RAB40B: variants seen among roughly 807,000 people sequenced by gnomAD.
RAB40B encodes RAB40B, member RAS oncogene family.
RAB40B carries 21 observed loss-of-function variants against 24.0 expected under a neutral mutation model. That is an observed-to-expected ratio of 0.88 (90% CI 0.62 to 1.26). RAB40B has a LOEUF of 1.26. Among genes scored for constraint, RAB40B ranks in the 50% most tolerant of loss-of-function variants. The probability of loss-of-function intolerance (pLI) is 0.00; values close to 1 mark genes in which losing one functional copy is unlikely to be tolerated. For synonymous variants in RAB40B, 167 were observed against 169.8 expected (o/e 0.98, Z 0.13); for missense variants, 348 against 390.5 (o/e 0.89, Z 0.92).
chr17:82,659,897 C>T, intron 3 of RAB40B: 1 of 513,934 alleles, frequency 1.9e-6, no homozygotes, highest in Non-Finnish European at 3.5e-6. Flanking sequence ...CCACGAGCCA[C>T]TCCAGGAACA....
intron 3 of RAB40B, among the ~76,000 whole-genome samples, chr17:82,660,390 C>T (rs1199562714): frequency 2.0e-5 from 3 of 150,984 alleles, no homozygotes; most frequent in East Asian, 2.0e-4. Flanking sequence ...CACAGATGCA[C>T]GCATACACAG....
chr17:82,658,961 G>T, intron 4 of RAB40B: 1 of 498,916 alleles, frequency 2.0e-6, no homozygotes, highest in Non-Finnish European at 3.6e-6. Context: ...ACTCGGAGGA[G>T]GCCATGTTAC....
chr17:82,695,920 A>T (rs956071400), intron 1 of RAB40B, among the ~76,000 whole-genome samples: 7 of 152,014 alleles, frequency 4.6e-5, no homozygotes, highest in Non-Finnish European at 8.8e-5. Context: ...CTTGTTGCCC[A>T]GGCTGGAGTA....
At position 82,658,085 on chromosome 17, in the gene RAB40B, C is replaced by G; in HGVS notation, c.615G>C (p.Pro205=). Residue 205 remains proline (P), a synonymous_variant, in exon 6 of 6, where the codon CCG becomes CCC. Coordinates refer to ENST00000571995, the MANE Select transcript of RAB40B (RefSeq NM_006822.3). ...GCGGGAGCTTGTCCACCAGGTGCAC[C>G]GGCGTGCAGGACACGACCGCCCGGC... The part of the protein sequence containing the change: ...LCCRAVVSCT[P]VHLVDKLPLP... 2 of 1,614,152 alleles carry G rather than the reference C, an allele frequency of 1.2e-6. No homozygotes were observed. Among genetic ancestry groups the G allele is most frequent in the South Asian group, 1.1e-5 (1 of 91,076 alleles).
At chr17:82,671,274 C>T (rs867686885) in intron 1 of RAB40B, among the ~76,000 whole-genome samples, 4 of 150,894 alleles carry the variant, frequency 2.7e-5, no homozygotes, top group African/African-American at 4.9e-5. Flanking sequence ...CACACAGTCA[C>T]ACATCCTGTA....
intron 1 of RAB40B, among the ~76,000 whole-genome samples, chr17:82,698,214 C>T (rs2046631776): frequency 6.6e-6 from 1 of 151,872 alleles, no homozygotes; most frequent in Non-Finnish European, 1.5e-5. Flanking sequence ...GCAACAGGGA[C>T]GCCGCAGCAC....
In RAB40B at chr17:82,664,518, G is replaced by A. The variant is rs1182983698; in HGVS notation, c.181C>T (p.Arg61Trp). ...CACCAGAGCTGCAGCTTCACCCGCC[G>A]CCCGTCCAGCAGGATGGTGGTCGTC... ...YKTTTILLDGRRVKLQLWDTS... is the reference protein window; with the variant it reads ...YKTTTILLDGWRVKLQLWDTS... The change falls in exon 2 of 6, where the codon CGG becomes TGG. Residue 61 changes from arginine (R) to tryptophan (W), a missense_variant. This residue lies in a region of RAB40B where 126 missense variants were observed against 181.0 expected (regional missense o/e 0.70). Transcript: ENST00000571995. The A allele has an allele frequency of 7.4e-6, 12 of 1,613,510 alleles. No individual in the cohort carries two copies. Among genetic ancestry groups the A allele is most frequent in the East Asian group, 2.2e-5 (1 of 44,880 alleles).
chr17:82,670,304 C>T (rs1323350558), intron 1 of RAB40B, among the ~76,000 whole-genome samples: 4 of 151,136 alleles, frequency 2.6e-5, no homozygotes, highest in Non-Finnish European at 4.4e-5. Flanking sequence ...CGTGCCTCAG[C>T]GTCCCGTGTA....
intron 1 of RAB40B, among the ~76,000 whole-genome samples, chr17:82,680,374 C>G (rs953983433): frequency 6.6e-6 from 1 of 152,124 alleles, no homozygotes; most frequent in Non-Finnish European, 1.5e-5. Context: ...CGGGGCCGCT[C>G]GGGGGACGGG....
chr17:82,691,349 G>T (rs1386201094), intron 1 of RAB40B, among the ~76,000 whole-genome samples: 1 of 152,126 alleles, frequency 6.6e-6, no homozygotes, highest in Non-Finnish European at 1.5e-5. Context: ...AGAGGTGGTG[G>T]CATCTGGTGT....
chr17:82,696,866 C>A (rs892307310), intron 1 of RAB40B: 2 of 153,702 alleles, frequency 1.3e-5, no homozygotes, highest in Admixed American at 6.5e-5. Context: ...AGAAATGTGA[C>A]GAATGGAAGC....
At chr17:82,664,165 C>A (rs1459259927) in intron 2 of RAB40B, among the ~76,000 whole-genome samples, 1 of 137,570 alleles carries the variant, frequency 7.3e-6, no homozygotes, top group African/African-American at 3.1e-5. Flanking sequence ...AGGGTGTTCC[C>A]CGGGGGCGCT....
At chr17:82,674,083 G>GT (rs1231855580) in intron 1 of RAB40B, among the ~76,000 whole-genome samples, 1 of 152,248 alleles carries the variant, frequency 6.6e-6, no homozygotes, top group Non-Finnish European at 1.5e-5. Context: ...GCTCGCGCCT[G>GT]TAATCCCAGC....
chr17:82,698,210 G>C (rs1055360600), intron 1 of RAB40B, among the ~76,000 whole-genome samples: 13 of 151,802 alleles, frequency 8.6e-5, no homozygotes, highest in Non-Finnish European at 1.6e-4. Flanking sequence ...GGGTGCAACA[G>C]GGACGCCGCA....
At chr17:82,681,899 A>C (rs1477668090) in intron 1 of RAB40B, among the ~76,000 whole-genome samples, 1 of 152,196 alleles carries the variant, frequency 6.6e-6, no homozygotes, top group African/African-American at 2.4e-5. Flanking sequence ...TAAAAAAAAG[A>C]ACCTCAAAGC....
Position 82,694,424 on chromosome 17 carries a change from T to C in RAB40B, c.142+4031A>G, listed in dbSNP as rs560936306. On this transcript the variant is annotated intron_variant, in intron 1 of 5. Transcript: ENST00000571995. ...GCAGGCACCTGTAATCCCAGCTACCTGGGAGGTTGAAGCAGGCGAATCACT... is the reference window on the plus strand; with the variant it reads ...GCAGGCACCTGTAATCCCAGCTACCCGGGAGGTTGAAGCAGGCGAATCACT... 9.3e-5 allele frequency among the ~76,000 whole-genome samples: 14 copies of C among 151,150 alleles called. 1 individual carries two copies. Among genetic ancestry groups the C allele is most frequent in the African/African-American group, 3.4e-4 (14 of 40,836 alleles).
At chr17:82,688,343 G>A (rs547691720) in intron 1 of RAB40B, among the ~76,000 whole-genome samples, 3 of 151,848 alleles carry the variant, frequency 2.0e-5, no homozygotes, top group African/African-American at 2.4e-5. Context: ...GGCCGGGCAC[G>A]GTAGCTCACG....
At position 82,667,796 on chromosome 17, in the gene RAB40B, C is replaced by T. The variant is rs1019294504; in HGVS notation, c.143-3240G>A. Among the ~76,000 whole-genome samples the T allele has an allele frequency of 2.1e-4, 32 of 152,140 alleles. No individual in the cohort carries two copies. The highest frequency in any genetic ancestry group is 7.7e-4 in the African/African-American group (32 of 41,440). On this transcript the variant is annotated intron_variant, in intron 1 of 5. Coordinates refer to ENST00000571995, the MANE Select transcript of RAB40B (RefSeq NM_006822.3). The surrounding 1 kb of genome is among the most constrained non-coding windows in gnomAD (Gnocchi z 4.3). Reference sequence around the variant, plus strand: ...CCCGCTTTGCAGACGCCACCTGCCCCGTGATGAGGCTCAGACAGAGCGGCC... The same window carrying T: ...CCCGCTTTGCAGACGCCACCTGCCCTGTGATGAGGCTCAGACAGAGCGGCC...
intron 1 of RAB40B, among the ~76,000 whole-genome samples, chr17:82,678,675 G>A (rs977899506): frequency 1.3e-5 from 2 of 152,148 alleles, no homozygotes; most frequent in Non-Finnish European, 2.9e-5. Flanking sequence ...TTAAAACACC[G>A]GAAAGCCAAA....
Sources: gnomAD v4.1 joint callset for allele counts (sites outside exome capture counted in the v4.1 genomes callset) on GRCh38, gnomAD v4.1.1 for gene constraint, gnomAD v4.1.1 regional missense constraint, Gnocchi (gnomAD v3.1) non-coding constraint, MANE v1.5 for transcripts, NCBI Gene and HGNC (gene_info 2026-07-23, HGNC 2026-07-21) for gene names.